The following GPR83 variants were observed in gnomAD, a reference collection of about 807,000 sequenced individuals.
GPR83 encodes the protein G protein-coupled receptor 83.
In GPR83, 23 loss-of-function variants were observed where a neutral mutation model predicts 28.0. The ratio of observed to expected loss-of-function variants is 0.82; its 90% CI spans 0.59 to 1.16. The LOEUF (loss-of-function observed/expected upper bound fraction) is 1.16, where lower values mean the gene tolerates loss of function less well. Among genes scored for constraint, GPR83 ranks in the 50% most tolerant of loss-of-function variants. The probability of loss-of-function intolerance (pLI) is 0.00; values close to 1 mark genes in which losing one functional copy is unlikely to be tolerated. For missense variants in GPR83, 610 were observed against 536.6 expected, an observed-to-expected ratio of 1.14 and a Z score of -1.35; for synonymous variants, 234 against 215.4, an observed-to-expected ratio of 1.09 and a Z score of -0.76.
At position 94,389,297 on chromosome 11, in the gene GPR83, C is replaced by T. The variant is rs1351513093; in HGVS notation, c.647+4188G>A. Among the ~76,000 whole-genome samples, 72 of 152,168 alleles carry T rather than the reference C, an allele frequency of 4.7e-4. 1 individual carries two copies. In the East Asian group the frequency reaches 6.2e-3, roughly 13 times the overall value. Reference sequence around the variant, plus strand: ...TTCATGTCTAAAACACCAAAAGCAACGGCAACAAAAGCCAAAATTGACAAA... The same window carrying T: ...TTCATGTCTAAAACACCAAAAGCAATGGCAACAAAAGCCAAAATTGACAAA... On this transcript the variant is annotated intron_variant, in intron 3 of 3. Coordinates refer to ENST00000243673, the MANE Select transcript of GPR83 (RefSeq NM_016540.4).
At chr11:94,384,663 C>T (rs1485898853) in intron 3 of GPR83, among the ~76,000 whole-genome samples, 1 of 152,168 alleles carries the variant, frequency 6.6e-6, no homozygotes, top group African/African-American at 2.4e-5. Flanking sequence ...GGAGCGTCCG[C>T]CATTGCTGAG....
chr11:94,393,402 T>C (rs1042266449), intron 3 of GPR83, 83 bp downstream of exon 3: 2 of 1,315,768 alleles, frequency 1.5e-6, no homozygotes, highest in Non-Finnish European at 2.2e-6. Flanking sequence ...TGTGAGCTCC[T>C]GGGGGCCTCA....
At chr11:94,399,958 T>A (rs3758789) in intron 1 of GPR83, among the ~76,000 whole-genome samples, 23,358 of 152,164 alleles carry the variant, frequency 0.15, 2,246 homozygotes, top group Non-Finnish European at 0.22. Flanking sequence ...GCCCCCAGCC[T>A]GCCCGATTTC....
At position 94,385,137 on chromosome 11, in the gene GPR83, C is replaced by T. The variant is rs759497007; in HGVS notation, c.648-4364G>A. ...CTCCAACAGACCTGAAGCTGAGGGT[C>T]CCGACTGTTAGAAGGAAAACTAACA... On this transcript the variant is annotated intron_variant, in intron 3 of 3. Coordinates refer to ENST00000243673, the MANE Select transcript of GPR83 (RefSeq NM_016540.4). Among the ~76,000 whole-genome samples, 172 of 152,288 alleles carry T rather than the reference C, an allele frequency of 1.1e-3. 1 individual carries two copies. Among genetic ancestry groups the T allele is most frequent in the Non-Finnish European group, 3.8e-4 (26 of 68,032 alleles).
intron 1 of GPR83, among the ~76,000 whole-genome samples, chr11:94,399,859 G>A (rs1376503347): frequency 6.6e-6 from 1 of 152,120 alleles, no homozygotes; most frequent in African/African-American, 2.4e-5. Context: ...TCATCCATGA[G>A]AGCCACACTC....
chr11:94,400,845 G>C lies in GPR83; in HGVS notation c.387+16C>G. The C allele has an allele frequency of 1.2e-6, 2 of 1,609,670 alleles. No homozygotes were observed. The highest frequency in any genetic ancestry group is 1.7e-6 in the Non-Finnish European group (2 of 1,176,994). On this transcript the variant is annotated intron_variant, in intron 1 of 3. Coordinates refer to ENST00000243673, the MANE Select transcript of GPR83 (RefSeq NM_016540.4). ...ACGAAGACAGAAGGTGGGGCGGCAG[G>C]CAGCGGGCCCCTTACCAAAGTGAAG...
At chr11:94,389,246 T>C (rs1944790230) in intron 3 of GPR83, among the ~76,000 whole-genome samples, 1 of 152,156 alleles carries the variant, frequency 6.6e-6, no homozygotes, top group Non-Finnish European at 1.5e-5. Flanking sequence ...GGCAATACCA[T>C]TCAGGACACA....
intron 2 of GPR83, 147 bp downstream of exon 2, chr11:94,396,252 C>T (rs1944865160): frequency 1.4e-6 from 1 of 718,182 alleles, no homozygotes; most frequent in Non-Finnish European, 2.3e-6. Context: ...GCTTAATATC[C>T]CTAACCTATG....
At chr11:94,392,407 G>A (rs1423686265) in intron 3 of GPR83, among the ~76,000 whole-genome samples, 1 of 151,996 alleles carries the variant, frequency 6.6e-6, no homozygotes, top group Non-Finnish European at 1.5e-5. Flanking sequence ...AACCACCATG[G>A]CACGTGTATA....
Position 94,380,433 on chromosome 11 carries a change from A to G in GPR83, c.988T>C (p.Phe330Leu). The G allele has an allele frequency of 6.2e-7, 1 of 1,614,208 alleles. No individual in the cohort carries two copies. The highest frequency in any genetic ancestry group is 1.1e-5 in the South Asian group (1 of 91,086). Reference protein sequence around the residue: ...IRTNNALYFAFHWFAMSSTCY... With the variant: ...IRTNNALYFALHWFAMSSTCY... ...GTGCTGCTCATGGCAAACCAGTGGA[A>G]GGCAAAGTAGAGGGCATTGTTGGTG... The change falls in exon 4 of 4, where the codon TTC (phenylalanine) becomes CTC (leucine). Residue 330 changes from phenylalanine to leucine, a missense_variant. By Grantham distance (22) the Phe-to-Leu change is conservative. Coordinates refer to ENST00000243673, the MANE Select transcript of GPR83 (RefSeq NM_016540.4).
At chr11:94,388,970 A>T (rs1009074539) in intron 3 of GPR83, among the ~76,000 whole-genome samples, 1 of 152,208 alleles carries the variant, frequency 6.6e-6, no homozygotes, top group African/African-American at 2.4e-5. Flanking sequence ...TGGTACCAAA[A>T]CAGAGATATA....
chr11:94,395,292 G>A (rs948050338), intron 2 of GPR83, among the ~76,000 whole-genome samples: 3 of 152,310 alleles, frequency 2.0e-5, no homozygotes, highest in South Asian at 2.1e-4. Context: ...ACATTGGACT[G>A]TATCTTTGAA....
Position 94,395,762 on chromosome 11 carries a change from G to A in GPR83, c.513+637C>T, listed in dbSNP as rs190112991. Among the ~76,000 whole-genome samples the A allele has an allele frequency of 7.2e-5, 11 of 152,298 alleles. No homozygotes were observed. In the East Asian group the frequency reaches 1.4e-3, roughly 19 times the overall value. On this transcript the variant is annotated intron_variant, in intron 2 of 3. Coordinates refer to ENST00000243673, the MANE Select transcript of GPR83 (RefSeq NM_016540.4). ...ATGCTCCACTGCAATGCCTGCTCCTGCCACCTGGACATCCTGGCTTGTTTT... is the reference window on the plus strand; with the variant it reads ...ATGCTCCACTGCAATGCCTGCTCCTACCACCTGGACATCCTGGCTTGTTTT...
chr11:94,389,625 A>C (rs975326616), intron 3 of GPR83, among the ~76,000 whole-genome samples: 5 of 152,222 alleles, frequency 3.3e-5, no homozygotes, highest in Admixed American at 6.5e-5. Context: ...ATGAGATACC[A>C]TCTCACACCA....
At chr11:94,387,812 T>A (rs2134688433) in intron 3 of GPR83, among the ~76,000 whole-genome samples, 1 of 151,728 alleles carries the variant, frequency 6.6e-6, no homozygotes, top group Non-Finnish European at 1.5e-5. Flanking sequence ...GAGGGAATCC[T>A]CCCTAACTCA....
intron 3 of GPR83, among the ~76,000 whole-genome samples, chr11:94,388,716 A>G (rs955065654): frequency 3.3e-5 from 5 of 152,262 alleles, no homozygotes; most frequent in Admixed American, 6.5e-5. Flanking sequence ...CGTGGGTAGG[A>G]AGAATCAGTA....
At chr11:94,385,946 G>A (rs1490695179) in intron 3 of GPR83, among the ~76,000 whole-genome samples, 2 of 152,236 alleles carry the variant, frequency 1.3e-5, no homozygotes, top group African/African-American at 2.4e-5. Flanking sequence ...GGCAGTCAGA[G>A]AGAAAGGTCG....
Position 94,379,293 on chromosome 11 carries a change from C to T in GPR83, c.*856G>A, listed in dbSNP as rs866904639. 2 of 150,630 alleles carry T rather than the reference C, an allele frequency of 1.3e-5. No homozygotes were observed. The highest frequency in any genetic ancestry group is 2.9e-5 in the Non-Finnish European group (2 of 67,868). The allele number at this position is 150,630 out of a possible 1,614,324, so 9.3% of individuals were successfully genotyped here. ...GGCTGAGGCAGGAGAACGGCATGAA[C>T]CTGGGAGGCAGAGCTTGCAGTGAGC... On this transcript the variant is annotated 3_prime_UTR_variant, in exon 4 of 4. Coordinates refer to ENST00000243673, the MANE Select transcript of GPR83 (RefSeq NM_016540.4).
At chr11:94,382,555 G>A (rs937662234) in intron 3 of GPR83, among the ~76,000 whole-genome samples, 5 of 152,024 alleles carry the variant, frequency 3.3e-5, no homozygotes, top group African/African-American at 1.2e-4. Flanking sequence ...GACCTACAAA[G>A]AGACTCAGAC....
Sources: gnomAD v4.1 joint callset for allele counts (sites outside exome capture counted in the v4.1 genomes callset) on GRCh38, gnomAD v4.1.1 for gene constraint, MANE v1.5 for transcripts, NCBI Gene and HGNC (gene_info 2026-07-23, HGNC 2026-07-21) for gene names.